The following CLDN10 variants were observed in gnomAD, a reference collection of about 807,000 sequenced individuals.
CLDN10 encodes claudin-10.
A neutral mutation model predicts 22.9 loss-of-function variants in CLDN10; 15 were observed. The ratio of observed to expected loss-of-function variants is 0.65; its 90% CI spans 0.44 to 1.01. The LOEUF is 1.01. CLDN10 is among the 50% of genes least tolerant of loss of function. The pLI, the probability that CLDN10 is intolerant of heterozygous loss-of-function variation, is 0.00. For missense variants in CLDN10, 247 were observed against 287.8 expected (o/e 0.86, Z 1.03); for synonymous variants, 114 against 111.4 (o/e 1.02, Z -0.15).
chr13:95,499,737 C>T (rs539052523), intron 1 of CLDN10, among the ~76,000 whole-genome samples: 9 of 152,062 alleles, frequency 5.9e-5, no homozygotes, highest in South Asian at 4.2e-4. Flanking sequence ...GAATCAGCAG[C>T]GGAGCCCCAA....
chr13:95,486,704 GC>G (rs1430978942), intron 1 of CLDN10, among the ~76,000 whole-genome samples: 2 of 152,072 alleles, frequency 1.3e-5, no homozygotes, highest in Non-Finnish European at 2.9e-5. Context: ...AAGGTGCCTT[GC>G]TTTTTATTCC....
chr13:95,568,649 T>C (rs1311428485), intron 3 of CLDN10, among the ~76,000 whole-genome samples: 2 of 152,176 alleles, frequency 1.3e-5, no homozygotes. Flanking sequence ...ATTTATTGGT[T>C]GTTCTCCTAA....
chr13:95,450,340 C>G (rs928981857), intron 1 of CLDN10, among the ~76,000 whole-genome samples: 8 of 152,194 alleles, frequency 5.3e-5, no homozygotes. Flanking sequence ...GCTAATCTCC[C>G]AGTTTGGCAT....
At chr13:95,441,109 A>G (rs915027516) in intron 1 of CLDN10, among the ~76,000 whole-genome samples, 2 of 152,202 alleles carry the variant, frequency 1.3e-5, no homozygotes, top group African/African-American at 4.8e-5. Context: ...GGATTGAATA[A>G]ACGGAAGGAG....
At chr13:95,536,190 A>AAG (rs2043398438) in intron 1 of CLDN10, among the ~76,000 whole-genome samples, 1 of 151,760 alleles carries the variant, frequency 6.6e-6, no homozygotes, top group Non-Finnish European at 1.5e-5. Flanking sequence ...TTTGAAAAAA[A>AAG]AAAAAGTCCT....
chr13:95,543,701 GT>G (rs548355572), intron 1 of CLDN10, among the ~76,000 whole-genome samples: 12 of 151,916 alleles, frequency 7.9e-5, no homozygotes, highest in African/African-American at 2.9e-4. Context: ...AATGCAGCAT[GT>G]TTTTCTATTA....
intron 1 of CLDN10, among the ~76,000 whole-genome samples, chr13:95,499,387 C>T (rs1425308025): frequency 2.0e-5 from 3 of 152,046 alleles, no homozygotes; most frequent in Non-Finnish European, 4.4e-5. Flanking sequence ...ACTAAAATTA[C>T]AAAAATTAGC....
At chr13:95,522,819 T>C (rs1187499499) in intron 1 of CLDN10, among the ~76,000 whole-genome samples, 2 of 152,090 alleles carry the variant, frequency 1.3e-5, no homozygotes, top group African/African-American at 4.8e-5. Flanking sequence ...TCTTTAACTG[T>C]GTGATGATGC....
intron 1 of CLDN10, among the ~76,000 whole-genome samples, chr13:95,559,211 A>C (rs537998448): frequency 3.9e-5 from 6 of 152,200 alleles, no homozygotes; most frequent in African/African-American, 9.7e-5. Flanking sequence ...GCATTGTTTC[A>C]GGCTGAAATG....
At chr13:95,485,941 C>T (rs538596774) in intron 1 of CLDN10, among the ~76,000 whole-genome samples, 1 of 152,292 alleles carries the variant, frequency 6.6e-6, no homozygotes, top group Non-Finnish European at 1.5e-5. Context: ...CCAGAATATG[C>T]CAGATTCTGT....
chr13:95,513,388 C>T (rs1470773130), intron 1 of CLDN10, among the ~76,000 whole-genome samples: 2 of 152,254 alleles, frequency 1.3e-5, no homozygotes, highest in South Asian at 2.1e-4. Flanking sequence ...TAAAGATAAA[C>T]TTATTTTCCA....
rs187965636 is a variant in CLDN10, at chr13:95,436,359, G to T, written c.214+2312G>T. On this transcript the variant is annotated intron_variant, in intron 1 of 4. Transcript: ENST00000376873. ...CCACAACACTTGGCTAATTTTTAAA[G>T]GTTTCTGTAGAGATCAGATCTCACT... Among the ~76,000 whole-genome samples, 43 of 152,092 alleles carry T rather than the reference G, an allele frequency of 2.8e-4. No individual in the cohort carries two copies. The East Asian group carries it at 7.5e-3, about 27-fold the overall frequency.
At chr13:95,470,984 G>A (rs1303581287) in intron 1 of CLDN10, among the ~76,000 whole-genome samples, 1 of 152,156 alleles carries the variant, frequency 6.6e-6, no homozygotes, top group Non-Finnish European at 1.5e-5. Flanking sequence ...AGGAGACACA[G>A]TTCCTGCTCT....
At chr13:95,552,011 C>T (rs886668114), upstream of CLDN10, among the ~76,000 whole-genome samples, 9 of 152,210 alleles carry the variant, frequency 5.9e-5, no homozygotes, top group African/African-American at 2.2e-4. Flanking sequence ...ATGCCCTCTG[C>T]GTAGTGCATT....
At chr13:95,455,566 G>T (rs1156271103) in intron 1 of CLDN10, among the ~76,000 whole-genome samples, 2 of 151,952 alleles carry the variant, frequency 1.3e-5, no homozygotes, top group Non-Finnish European at 2.9e-5. Context: ...TAAAAATAAG[G>T]GTTCTGTAAG....
intron 1 of CLDN10, among the ~76,000 whole-genome samples, chr13:95,557,644 C>T (rs1032918119): frequency 7.2e-5 from 11 of 152,104 alleles, no homozygotes; most frequent in Non-Finnish European, 1.2e-4. Flanking sequence ...TTTCCAAATC[C>T]GGGTTCTGGT....
chr13:95,465,567 T>C (rs2042575454), intron 1 of CLDN10, among the ~76,000 whole-genome samples: 1 of 152,198 alleles, frequency 6.6e-6, no homozygotes, highest in African/African-American at 2.4e-5. Context: ...ACAAAAATAC[T>C]CACTGGCCAC....
Position 95,505,749 on chromosome 13 carries a change from C to CTTTTTT in CLDN10, c.215-54365_215-54360dup, listed in dbSNP as rs34828390. Among the ~76,000 whole-genome samples, 422 of 103,682 alleles carry CTTTTTT rather than the reference C, an allele frequency of 4.1e-3. 2 individuals carry two copies. The highest frequency in any genetic ancestry group is 5.5e-3 in the East Asian group (19 of 3,446). 68.0% of individuals were successfully genotyped at this position (103,682 alleles called of 152,430 possible). On this transcript the variant is annotated intron_variant, in intron 1 of 4. Transcript: ENST00000376873. The stretch of plus-strand genomic sequence containing the variant: ...GGCTTGTGCCAAGACCCTTCCCTTT[C>CTTTTTT]TTTTTTTTTTTTTTTTTTTTTTTGA...
intron 1 of CLDN10, among the ~76,000 whole-genome samples, chr13:95,501,091 G>A (rs1007051236): frequency 1.3e-5 from 2 of 151,724 alleles, no homozygotes; most frequent in Non-Finnish European, 2.9e-5. Context: ...CTCAGCCACT[G>A]CAACCTCCAC....
Sources: gnomAD v4.1 joint callset for allele counts (sites outside exome capture counted in the v4.1 genomes callset) on GRCh38, gnomAD v4.1.1 for gene constraint, MANE v1.5 for transcripts, NCBI Gene and HGNC (gene_info 2026-07-23, HGNC 2026-07-21) for gene names.